KDM2A: variants seen among roughly 807,000 people sequenced by gnomAD.
The protein encoded by KDM2A is lysine demethylase 2A.
A neutral mutation model predicts 137.3 loss-of-function variants in KDM2A; 3 were observed. The ratio of observed to expected loss-of-function variants is 0.02; its 90% CI spans 0.01 to 0.06. KDM2A has a LOEUF of 0.06. Among genes scored for constraint, KDM2A ranks in the 10% least tolerant of loss-of-function variants. The pLI is 1.00. For missense variants in KDM2A, 738 were observed against 1,510.6 expected, an observed-to-expected ratio of 0.49 and a Z score of 8.48; for synonymous variants, 512 against 541.5, an observed-to-expected ratio of 0.95 and a Z score of 0.76.
intron 10 of KDM2A, among the ~76,000 whole-genome samples, chr11:67,221,018 GAA>G (rs199555384): frequency 1.1e-4 from 13 of 114,492 alleles, no homozygotes; most frequent in Non-Finnish European, 1.1e-4. Context: ...TGTCTGACCC[GAA>G]AAAAAAAAAA....
chr11:67,177,970 T>C (rs1404023319), intron 2 of KDM2A, among the ~76,000 whole-genome samples: 4 of 152,208 alleles, frequency 2.6e-5, no homozygotes, highest in South Asian at 4.1e-4. Context: ...CACTGTCATA[T>C]ATGTGCAGTT....
At chr11:67,139,964 A>C (rs1856059352) in intron 2 of KDM2A, among the ~76,000 whole-genome samples, 1 of 151,932 alleles carries the variant, frequency 6.6e-6, no homozygotes, top group African/African-American at 2.4e-5. Flanking sequence ...TTGGCCTTCC[A>C]CAGTGTTGGA....
chr11:67,147,999 A>G (rs182654240), intron 2 of KDM2A, among the ~76,000 whole-genome samples: 10 of 152,054 alleles, frequency 6.6e-5, no homozygotes, highest in African/African-American at 2.2e-4. Context: ...TCTTATAGCA[A>G]ATGTCTCTAG....
intron 5 of KDM2A, among the ~76,000 whole-genome samples, chr11:67,193,586 C>T (rs1484437230): frequency 6.6e-6 from 1 of 152,036 alleles, no homozygotes; most frequent in African/African-American, 2.4e-5. Context: ...ATTGGCTGGG[C>T]ATGGTGGCTC....
At chr11:67,138,880 GT>G (rs1385404889) in intron 2 of KDM2A, among the ~76,000 whole-genome samples, 1 of 152,162 alleles carries the variant, frequency 6.6e-6, no homozygotes, top group African/African-American at 2.4e-5. Flanking sequence ...TGTTGTAGCA[GT>G]TTTTCTGTTT....
chr11:67,198,579 G>A (rs1446771235), intron 5 of KDM2A, among the ~76,000 whole-genome samples: 6 of 151,636 alleles, frequency 4.0e-5, no homozygotes, highest in African/African-American at 1.5e-4. Flanking sequence ...GCGCAGTGGC[G>A]GGCGCCTGTA....
chr11:67,250,938 T>C lies in KDM2A; in HGVS notation c.2768+140T>C, dbSNP rs1260940527. The C allele has an allele frequency of 8.7e-6, 6 of 692,696 alleles. No individual in the cohort carries two copies. In the East Asian group the frequency reaches 1.5e-4, roughly 18 times the overall value. 42.9% of individuals were successfully genotyped at this position (692,696 alleles called of 1,614,324 possible). On this transcript the variant is annotated intron_variant, in intron 17 of 20. Coordinates refer to ENST00000529006, the MANE Select transcript of KDM2A (RefSeq NM_012308.3). The surrounding 1 kb of genome is among the most constrained non-coding windows in gnomAD (Gnocchi z 7.1). ...TGAATTGACCCTTTTTCCCAAACTT[T>C]GGGTCCTGTTTAAAGATGTAGCCTG...
At chr11:67,161,080 G>A (rs2136316568) in intron 2 of KDM2A, among the ~76,000 whole-genome samples, 1 of 152,318 alleles carries the variant, frequency 6.6e-6, no homozygotes, top group Middle Eastern at 3.4e-3. Context: ...GTGGACTAGT[G>A]GCCAGGCACA....
chr11:67,233,314 T>A (rs1858771915), intron 12 of KDM2A, among the ~76,000 whole-genome samples: 1 of 147,824 alleles, frequency 6.8e-6, no homozygotes, highest in Non-Finnish European at 1.5e-5. Flanking sequence ...AGGTCAGGAG[T>A]TCGAGACCAG....
At chr11:67,152,023 A>G (rs1856402768) in intron 2 of KDM2A, among the ~76,000 whole-genome samples, 2 of 152,190 alleles carry the variant, frequency 1.3e-5, no homozygotes, top group Non-Finnish European at 2.9e-5. Context: ...TATTATTAAA[A>G]TTAATTTCCC....
At chr11:67,252,920 C>G in intron 18 of KDM2A, 63 bp downstream of exon 18, 2 of 1,522,890 alleles carry the variant, frequency 1.3e-6, no homozygotes, top group East Asian at 4.5e-5. Context: ...AGAAAAGTTG[C>G]ATTATTGGCA....
intron 12 of KDM2A, among the ~76,000 whole-genome samples, chr11:67,233,497 C>A (rs1158518556): frequency 1.7e-4 from 1 of 5,762 alleles, no homozygotes; most frequent in Non-Finnish European, 3.5e-4. Context: ...ACTAAAAATA[C>A]AAAAATTAGC....
In KDM2A at chr11:67,250,313, G is replaced by T; in HGVS notation, c.2283G>T (p.Gln761His). The change falls in exon 17 of 21, where the codon CAG (glutamine) becomes CAT (histidine). Residue 761 changes from glutamine (Q) to histidine (H), a missense_variant. Physicochemically the swap from Gln to His is conservative, Grantham distance 24 (BLOSUM62 0). Coordinates refer to ENST00000529006, the MANE Select transcript of KDM2A (RefSeq NM_012308.3). The surrounding 1 kb of genome is among the most constrained non-coding windows in gnomAD (Gnocchi z 7.1). ...GCGATGAGCGCTTCAAACGGCGGCA[G>T]TTGCTGCGGCTGCAGGCCACAGAGC... ...ASRDERFKRRQLLRLQATERT... is the reference protein window; with the variant it reads ...ASRDERFKRRHLLRLQATERT... 1 of 1,613,936 alleles carries T rather than the reference G, an allele frequency of 6.2e-7. No homozygotes were observed. Among genetic ancestry groups the T allele is most frequent in the Non-Finnish European group, 8.5e-7 (1 of 1,179,894 alleles).
intron 2 of KDM2A, among the ~76,000 whole-genome samples, chr11:67,162,336 C>T (rs568161976): frequency 5.9e-5 from 9 of 152,016 alleles, no homozygotes; most frequent in Admixed American, 4.6e-4. Flanking sequence ...ATATAATGCT[C>T]ACTTCTCCTG....
chr11:67,148,208 A>G (rs1159576271), intron 2 of KDM2A, among the ~76,000 whole-genome samples: 1 of 151,706 alleles, frequency 6.6e-6, no homozygotes, highest in African/African-American at 2.4e-5. Flanking sequence ...TCATTTTTGA[A>G]CTCTGGGGTT....
At chr11:67,121,146 A>C in intron 1 of KDM2A, 88 bp from the exon 2 acceptor site, 1 of 620,970 alleles carries the variant, frequency 1.6e-6, no homozygotes, top group Non-Finnish European at 2.9e-6. Context: ...GAGAGCCTTT[A>C]ACACTTACCT....
chr11:67,138,482 TAGAAAG>T (rs1856019952), intron 2 of KDM2A, among the ~76,000 whole-genome samples: 1 of 152,152 alleles, frequency 6.6e-6, no homozygotes, highest in Non-Finnish European at 1.5e-5. Context: ...GGGAACTAGT[TAGAAAG>T]GGAATTCTTG....
At chr11:67,219,559 A>ATTT in intron 10 of KDM2A, 156 bp downstream of exon 10, 7 of 331,874 alleles carry the variant, frequency 2.1e-5, no homozygotes, top group Admixed American at 5.1e-5. Flanking sequence ...TTTAAATTTA[A>ATTT]TTTTTTTTTT....
chr11:67,201,917 T>C (rs1035282065), intron 5 of KDM2A, among the ~76,000 whole-genome samples: 1 of 151,196 alleles, frequency 6.6e-6, no homozygotes, highest in Non-Finnish European at 1.5e-5. Context: ...ATCTTGCCAC[T>C]CTATTCCAGC....
Sources: allele counts gnomAD v4.1 joint callset (sites outside exome capture counted in the v4.1 genomes callset), GRCh38; gene constraint gnomAD v4.1.1; non-coding constraint Gnocchi (gnomAD v3.1); transcripts MANE v1.5; gene names NCBI Gene and HGNC (gene_info 2026-07-23, HGNC 2026-07-21).